AKAP13: variants seen among roughly 807,000 people sequenced by gnomAD.
AKAP13 encodes the protein A-kinase anchor protein 13.
Under a neutral mutation model 264.5 loss-of-function variants are expected in AKAP13, and 80 were observed. The ratio of observed to expected loss-of-function variants is 0.30; its 90% CI spans 0.25 to 0.36. The LOEUF (loss-of-function observed/expected upper bound fraction) is 0.36, where lower values mean the gene tolerates loss of function less well. Ranked by LOEUF, AKAP13 falls within the 10% of genes least tolerant of loss-of-function variation. The pLI is 1.00. For missense variants in AKAP13, 3,712 were observed against 3,435.2 expected (o/e 1.08, Z -2.01); for synonymous variants, 1,380 against 1,250.2 (o/e 1.10, Z -2.19).
intron 10 of AKAP13, among the ~76,000 whole-genome samples, chr15:85,649,707 A>G (rs2082717992): frequency 6.6e-6 from 1 of 152,160 alleles, no homozygotes; most frequent in African/African-American, 2.4e-5. Flanking sequence ...TATGAGCTTC[A>G]CGTTTATTCT....
chr15:85,384,401 G>A (rs1264831996), intron 1 of AKAP13, among the ~76,000 whole-genome samples: 3 of 152,184 alleles, frequency 2.0e-5, no homozygotes, highest in Non-Finnish European at 4.4e-5. Flanking sequence ...GGGGAGAGAC[G>A]AGAAAGCTGT....
intron 1 of AKAP13, chr15:85,389,732 A>G (rs1302893630): frequency 6.6e-6 from 1 of 152,280 alleles, no homozygotes; most frequent in African/African-American, 2.4e-5. Context: ...CACATGGTAC[A>G]TACCTAAGAT....
intron 5 of AKAP13, among the ~76,000 whole-genome samples, chr15:85,552,801 T>C (rs942729729): frequency 1.3e-5 from 2 of 151,298 alleles, no homozygotes; most frequent in Non-Finnish European, 3.0e-5. Context: ...CTAATTTTTT[T>C]GTATGTTTTT....
intron 1 of AKAP13, among the ~76,000 whole-genome samples, chr15:85,399,896 C>T (rs189830830): frequency 3.3e-4 from 50 of 152,296 alleles, no homozygotes; most frequent in African/African-American, 1.2e-3. Context: ...GAAAGATGAT[C>T]TGTGGCCATT....
rs1243076125 is a variant in AKAP13 at position 85,747,446 on chromosome 15, A to G, written c.*2769A>G. 6.6e-6 allele frequency: 1 copy of G among 152,492 alleles called. No individual in the cohort carries two copies. Among genetic ancestry groups the G allele is most frequent in the Non-Finnish European group, 1.5e-5 (1 of 68,022 alleles). The allele number at this position is 152,492 out of a possible 1,614,324, so 9.4% of individuals were successfully genotyped here. On this transcript the variant is annotated 3_prime_UTR_variant, in exon 37 of 37. Transcript: ENST00000394518. The stretch of plus-strand genomic sequence containing the variant: ...CATACTGTTTCCACGCCGGGACACC[A>G]TGTTCTCCATCAAGCTAAAGAAATC...
At chr15:85,739,421 G>A (rs2088795784) in intron 33 of AKAP13, among the ~76,000 whole-genome samples, 1 of 152,168 alleles carries the variant, frequency 6.6e-6, no homozygotes, top group Non-Finnish European at 1.5e-5. Flanking sequence ...TATTTCTAAT[G>A]TAAATTGCTG....
In AKAP13 at chr15:85,579,383, C is replaced by T. The variant is rs771863467; in HGVS notation, c.1315C>T (p.Leu439=). 6.2e-7 allele frequency: 1 copy of T among 1,614,184 alleles called. No homozygotes were observed. Among genetic ancestry groups the T allele is most frequent in the South Asian group, 1.1e-5 (1 of 91,088 alleles). The change falls in exon 7 of 37, where the codon CTG becomes TTG. Residue 439 remains leucine, a synonymous_variant. Transcript: ENST00000394518. ...TGGAATGCCCACAGACCAGGAGTCC[C>T]TGAGCAGTGGAGATGCTGTGCTTCA... ...SSGMPTDQES[L]SSGDAVLQRD... is the part of the protein sequence containing the mutation.
chr15:85,699,750 C>A (rs965430117), intron 17 of AKAP13, among the ~76,000 whole-genome samples: 16 of 152,322 alleles, frequency 1.1e-4, no homozygotes, highest in African/African-American at 2.9e-4. Context: ...AGAATTACTA[C>A]CAGAACAGAG....
intron 1 of AKAP13, among the ~76,000 whole-genome samples, chr15:85,448,415 G>T (rs942222222): frequency 2.6e-4 from 40 of 152,082 alleles, no homozygotes; most frequent in African/African-American, 8.2e-4. Flanking sequence ...ATTGCTTTTG[G>T]TGTCTTTGTC....
At chr15:85,702,943 G>A (rs2086018274) in intron 17 of AKAP13, among the ~76,000 whole-genome samples, 1 of 152,196 alleles carries the variant, frequency 6.6e-6, no homozygotes. Flanking sequence ...TTATGTTCAG[G>A]TTTTGGGGTC....
chr15:85,608,144 T>G (rs2344441), intron 8 of AKAP13, among the ~76,000 whole-genome samples: 92,095 of 151,200 alleles, frequency 0.61, 28,172 homozygotes, highest in Middle Eastern at 0.71. Context: ...TATTCTTTTT[T>G]TGAAGAGAAA....
At chr15:85,577,352 T>C (rs925949265) in intron 6 of AKAP13, among the ~76,000 whole-genome samples, 3 of 152,148 alleles carry the variant, frequency 2.0e-5, no homozygotes, top group African/African-American at 2.4e-5. Context: ...ACCAGATGTT[T>C]GGAAAAATAG....
chr15:85,583,359 G>A (rs2079201771), intron 7 of AKAP13, among the ~76,000 whole-genome samples: 2 of 152,166 alleles, frequency 1.3e-5, no homozygotes, highest in Admixed American at 1.3e-4. Context: ...AGGGCTTTTA[G>A]CCGTTTATAA....
chr15:85,738,070 G>A (rs967621207), intron 33 of AKAP13, among the ~76,000 whole-genome samples: 1 of 152,102 alleles, frequency 6.6e-6, no homozygotes, highest in Non-Finnish European at 1.5e-5. Context: ...AGCTAGAGTC[G>A]GCAGGTTCTT....
In AKAP13 at chr15:85,423,194, TTAAAA is replaced by T. The variant is rs563066611; in HGVS notation, c.-12+42400_-12+42404del. On this transcript the variant is annotated intron_variant, in intron 1 of 36. Coordinates refer to ENST00000394518, the MANE Select transcript of AKAP13 (RefSeq NM_007200.5). ...GGATTGGAGCAGCTTAGGCAATTTC[TTAAAA>T]TAAGACAACAGTGAAGTTTGCTGCA... is the stretch of plus-strand genomic sequence containing the variant. Among the ~76,000 whole-genome samples, 24 of 152,362 alleles carry T rather than the reference TTAAAA, an allele frequency of 1.6e-4. 1 individual carries two copies. In the East Asian group the frequency reaches 4.4e-3, roughly 28 times the overall value.
intron 1 of AKAP13, among the ~76,000 whole-genome samples, chr15:85,470,972 T>C (rs964267075): frequency 3.9e-5 from 6 of 152,224 alleles, no homozygotes; most frequent in African/African-American, 1.4e-4. Flanking sequence ...TAAACAAACA[T>C]CTGGCACTAT....
At chr15:85,391,120 A>G (rs181769046) in intron 1 of AKAP13, among the ~76,000 whole-genome samples, 2 of 152,356 alleles carry the variant, frequency 1.3e-5, no homozygotes, top group African/African-American at 2.4e-5. Context: ...TCATAAAACA[A>G]CCACCACTAT....
At chr15:85,702,127 C>T (rs553294746) in intron 17 of AKAP13, 1 of 152,084 alleles carries the variant, frequency 6.6e-6, no homozygotes, top group East Asian at 1.9e-4. Flanking sequence ...CGCTTGTAAT[C>T]CCCAGCTACT....
chr15:85,558,246 A>C (rs1010340675), intron 5 of AKAP13, among the ~76,000 whole-genome samples: 1 of 152,222 alleles, frequency 6.6e-6, no homozygotes, highest in Admixed American at 6.5e-5. Flanking sequence ...AAAAGCAGCA[A>C]ATTACAGGAG....
Sources: gnomAD v4.1 joint callset for allele counts (sites outside exome capture counted in the v4.1 genomes callset) on GRCh38, gnomAD v4.1.1 for gene constraint, MANE v1.5 for transcripts, NCBI Gene and HGNC (gene_info 2026-07-23, HGNC 2026-07-21) for gene names.